Variants in SLC4A4 observed in about 807,000 individuals in gnomAD.
The protein encoded by SLC4A4 is solute carrier family 4 member 4.
SLC4A4 carries 27 observed loss-of-function variants against 111.5 expected under a neutral mutation model. The observed-to-expected ratio is 0.24, with a 90% CI of 0.18 to 0.33. The LOEUF (loss-of-function observed/expected upper bound fraction) is 0.33. Ranked by LOEUF, SLC4A4 falls within the 10% of genes least tolerant of loss-of-function variation. The pLI is 1.00. For missense variants in SLC4A4, 909 were observed against 1,315.5 expected, an observed-to-expected ratio of 0.69 and a Z score of 4.78; for synonymous variants, 443 against 463.4, an observed-to-expected ratio of 0.96 and a Z score of 0.57.
chr4:71,389,404 C>T (rs1350409855), intron 6 of SLC4A4, among the ~76,000 whole-genome samples: 1 of 152,150 alleles, frequency 6.6e-6, no homozygotes, highest in Admixed American at 6.5e-5. Flanking sequence ...TTAGTTTCTC[C>T]CAGCTTTTCT....
At position 71,451,231 on chromosome 4, in the gene SLC4A4, G is replaced by C. The variant is rs1441522117; in HGVS notation, c.1252G>C (p.Asp418His). The change falls in exon 11 of 26, where the codon GAT (aspartate) becomes CAT (histidine). Residue 418 changes from aspartate (D) to histidine (H), a missense_variant. By Grantham distance (81) the Asp-to-His change is moderately conservative. This residue lies in a region of SLC4A4 where 312 missense variants were observed against 402.0 expected (regional missense o/e 0.78). Transcript: ENST00000264485. ...SGGENVQMNG[D>H]TPHDGGHGGG... Reference sequence around the variant, plus strand: ...TGGAGAGAATGTTCAGATGAATGGGGATACGCCCCATGATGGAGGTCACGG... The same window carrying C: ...TGGAGAGAATGTTCAGATGAATGGGCATACGCCCCATGATGGAGGTCACGG... The C allele has an allele frequency of 6.2e-7, 1 of 1,613,360 alleles. No homozygotes were observed. Among genetic ancestry groups the C allele is most frequent in the Admixed American group, 1.7e-5 (1 of 60,000 alleles).
At chr4:71,184,111 G>A (rs963971759), upstream of SLC4A4, among the ~76,000 whole-genome samples, 3 of 152,130 alleles carry the variant, frequency 2.0e-5, no homozygotes, top group African/African-American at 7.2e-5. Flanking sequence ...TTTATGTAAT[G>A]AGGAAACTTA....
chr4:71,559,972 T>C lies in SLC4A4; in HGVS notation c.2938-121T>C. On this transcript the variant is annotated intron_variant, in intron 22 of 25. Transcript: ENST00000264485. ...GTCCATACCGTCAAGATCAGGTCTG[T>C]CATACTCTATCTAGCCTTACACAAA... The C allele has an allele frequency of 3.9e-6, 3 of 775,086 alleles. No homozygotes were observed. The South Asian group carries it at 4.3e-5, about 11-fold the overall frequency. The allele number at this position is 775,086 out of a possible 1,614,324, so 48.0% of individuals were successfully genotyped here. A position where few individuals can be genotyped will look rare whatever the true frequency, so the allele number is the denominator to read the frequency against.
At chr4:71,243,915 T>C (rs1215046906) in intron 2 of SLC4A4, among the ~76,000 whole-genome samples, 1 of 152,162 alleles carries the variant, frequency 6.6e-6, no homozygotes, top group Non-Finnish European at 1.5e-5. Context: ...ATTTTCATGG[T>C]GGAATGCTCA....
chr4:71,548,628 T>TAA (rs1735741027), intron 20 of SLC4A4, among the ~76,000 whole-genome samples: 1 of 151,968 alleles, frequency 6.6e-6, no homozygotes, highest in South Asian at 2.1e-4. Flanking sequence ...CAACCACTGT[T>TAA]AACGATATCC....
chr4:71,466,435 T>C lies in SLC4A4; in HGVS notation c.1498-9T>C. 6.2e-7 allele frequency: 1 copy of C among 1,613,414 alleles called. No individual in the cohort carries two copies. The highest frequency in any genetic ancestry group is 8.5e-7 in the Non-Finnish European group (1 of 1,179,572). ...GTTTCATTTAACATCTATATTTTCT[T>C]TATTTTAGGGCGTGTTGGAGAGTTT... On this transcript the variant is annotated splice_polypyrimidine_tract_variant and intron_variant, in intron 12 of 25. Transcript: ENST00000264485.
chr4:71,063,296 A>G (rs996361533), intron 1 of SLC4A4, among the ~76,000 whole-genome samples: 4 of 152,178 alleles, frequency 2.6e-5, no homozygotes, highest in Admixed American at 2.6e-4. Context: ...AAGTGTTCTG[A>G]AACGTTTCTG....
intron 1 of SLC4A4, among the ~76,000 whole-genome samples, chr4:71,231,631 A>C (rs1223365326): frequency 6.6e-6 from 1 of 152,132 alleles, no homozygotes; most frequent in African/African-American, 2.4e-5. Flanking sequence ...GACTGGTGTG[A>C]CCCTTATCCC....
intron 6 of SLC4A4, among the ~76,000 whole-genome samples, chr4:71,362,399 A>G (rs767799935): frequency 2.0e-5 from 3 of 152,226 alleles, no homozygotes; most frequent in Non-Finnish European, 4.4e-5. Context: ...GATAATGAAA[A>G]GTAAGAAGAA....
At chr4:71,549,261 G>A (rs563121552) in intron 20 of SLC4A4, among the ~76,000 whole-genome samples, 12 of 151,922 alleles carry the variant, frequency 7.9e-5, no homozygotes, top group South Asian at 6.2e-4. Context: ...ATGTTCTTCC[G>A]TTATCCTATA....
chr4:71,255,763 G>C (rs932285188), intron 3 of SLC4A4, among the ~76,000 whole-genome samples: 1 of 152,178 alleles, frequency 6.6e-6, no homozygotes. Context: ...AATAGGTTCT[G>C]TTGAGACAGC....
intron 9 of SLC4A4, 66 bp downstream of exon 9, chr4:71,447,799 C>A: frequency 9.9e-7 from 1 of 1,008,042 alleles, no homozygotes; most frequent in Non-Finnish European, 1.6e-6. Context: ...TGTGAATTGG[C>A]TGTCACAATT....
chr4:71,286,551 T>A (rs1050287732), intron 3 of SLC4A4, among the ~76,000 whole-genome samples: 2 of 152,214 alleles, frequency 1.3e-5, no homozygotes, highest in African/African-American at 4.8e-5. Flanking sequence ...CACAAGCAGT[T>A]TTCTATAACT....
intron 9 of SLC4A4, 118 bp from the exon 10 acceptor site, chr4:71,450,271 A>G (rs567225329): frequency 4.9e-5 from 38 of 776,990 alleles, no homozygotes; most frequent in Admixed American, 3.4e-4. Context: ...CTATCAGAGC[A>G]TGGCTGGATT....
chr4:71,319,449 T>G (rs116797400), intron 3 of SLC4A4, among the ~76,000 whole-genome samples: 1,654 of 152,142 alleles, frequency 0.011, 31 homozygotes, highest in African/African-American at 0.035. Flanking sequence ...TAGGTAGTTG[T>G]TATTTAAATA....
At chr4:71,202,516 CTT>C (rs1039329684) in intron 1 of SLC4A4, among the ~76,000 whole-genome samples, 23 of 152,292 alleles carry the variant, frequency 1.5e-4, no homozygotes, top group African/African-American at 5.3e-4. Context: ...ACAAAACACT[CTT>C]TTAAAATATC....
At chr4:71,316,837 G>A (rs1390143046) in intron 3 of SLC4A4, among the ~76,000 whole-genome samples, 1 of 152,030 alleles carries the variant, frequency 6.6e-6, no homozygotes, top group Non-Finnish European at 1.5e-5. Flanking sequence ...AGTTTGCTGA[G>A]GATAATGGCT....
chr4:71,349,458 A>G (rs958815628), intron 4 of SLC4A4, among the ~76,000 whole-genome samples: 3 of 152,218 alleles, frequency 2.0e-5, no homozygotes, highest in Non-Finnish European at 4.4e-5. Flanking sequence ...TCTGCGATAA[A>G]TATTGGTTCA....
At chr4:71,551,522 A>C (rs950050753) in intron 20 of SLC4A4, among the ~76,000 whole-genome samples, 5 of 151,860 alleles carry the variant, frequency 3.3e-5, no homozygotes, top group African/African-American at 1.2e-4. Context: ...ACCTACAAAA[A>C]ATTGTCTCTC....
Sources: gnomAD v4.1 joint callset for allele counts (sites outside exome capture counted in the v4.1 genomes callset) on GRCh38, gnomAD v4.1.1 for gene constraint, gnomAD v4.1.1 regional missense constraint, MANE v1.5 for transcripts, NCBI Gene and HGNC (gene_info 2026-07-23, HGNC 2026-07-21) for gene names.